DDX31: variants seen among roughly 807,000 people sequenced by gnomAD.
DDX31 encodes the protein DEAD-box helicase 31.
Under a neutral mutation model 91.3 loss-of-function variants are expected in DDX31, and 70 were observed. The observed-to-expected ratio is 0.77, with a 90% CI of 0.63 to 0.94. The LOEUF (loss-of-function observed/expected upper bound fraction) is 0.94. Ranked by LOEUF, DDX31 falls within the 40% of genes least tolerant of loss-of-function variation. The pLI is 0.00. For missense variants in DDX31, 902 were observed against 925.0 expected (o/e 0.98, Z 0.32); for synonymous variants, 362 against 350.6 (o/e 1.03, Z -0.36).
chr9:132,612,442 A>G, intron 18 of DDX31, 187 bp from the exon 19 acceptor site: 1 of 630,442 alleles, frequency 1.6e-6, no homozygotes, highest in Non-Finnish European at 2.7e-6. Context: ...CTAAACAACA[A>G]AAAGAAAAAA....
rs1830863076 is a variant in DDX31 at position 132,603,923 on chromosome 9, C to A, written c.1994+8164G>T. Reference sequence around the variant, plus strand: ...GGTGGGGAGGAGGGTGCGTTTGTTCCACGAGGAAGCAGAAAGCTGGTAATT... The same window carrying A: ...GGTGGGGAGGAGGGTGCGTTTGTTCAACGAGGAAGCAGAAAGCTGGTAATT... On this transcript the variant is annotated intron_variant, in intron 19 of 19. Transcript: ENST00000372159. Among the ~76,000 whole-genome samples the A allele has an allele frequency of 4.6e-5, 7 of 152,070 alleles. No homozygotes were observed. The South Asian group carries it at 1.5e-3, about 32-fold the overall frequency.
chr9:132,650,553 T>C (rs985808543), intron 8 of DDX31, among the ~76,000 whole-genome samples: 1 of 152,212 alleles, frequency 6.6e-6, no homozygotes, highest in East Asian at 1.9e-4. Context: ...ATCATTCAAG[T>C]AGCTTGCCTT....
At chr9:132,645,746 A>AT (rs1833788450) in intron 13 of DDX31, 149 bp downstream of exon 13, 3 of 817,404 alleles carry the variant, frequency 3.7e-6, no homozygotes. Context: ...TGGGTCACCC[A>AT]TTTTCGTCTC....
intron 19 of DDX31, among the ~76,000 whole-genome samples, chr9:132,602,453 C>A (rs904914131): frequency 4.6e-5 from 7 of 152,198 alleles, no homozygotes; most frequent in Non-Finnish European, 1.0e-4. Flanking sequence ...ATTCCTTACC[C>A]TTCCCCACAC....
chr9:132,640,837 T>G (rs1833460756), intron 14 of DDX31, among the ~76,000 whole-genome samples: 1 of 152,260 alleles, frequency 6.6e-6, no homozygotes, highest in East Asian at 1.9e-4. Flanking sequence ...GTAGATTATT[T>G]GGAATTAATC....
At chr9:132,597,677 G>A (rs943068458) in intron 19 of DDX31, among the ~76,000 whole-genome samples, 9 of 152,182 alleles carry the variant, frequency 5.9e-5, no homozygotes, top group African/African-American at 2.2e-4. Context: ...CCAGCGCTCA[G>A]GCAGTGCGCC....
At chr9:132,617,264 T>TGA (rs749562589) in intron 18 of DDX31, among the ~76,000 whole-genome samples, 23 of 152,196 alleles carry the variant, frequency 1.5e-4, no homozygotes, top group Non-Finnish European at 3.1e-4. Flanking sequence ...ACAATGAGGC[T>TGA]CACTCTGACC....
chr9:132,618,352 C>T lies in DDX31; in HGVS notation c.1803G>A (p.Arg601=), dbSNP rs765995396. 6.2e-7 allele frequency: 1 copy of T among 1,609,784 alleles called. No homozygotes were observed. The part of the protein sequence containing the change: ...VFEDYVHSSE[R]RVSWAKKALQ... Reference sequence around the variant, plus strand: ...GACCTTTCTTTGCCCAGGAGACCCTCCTCTCACTGGAGTGCACGTAATCTT... The same window carrying T: ...GACCTTTCTTTGCCCAGGAGACCCTTCTCTCACTGGAGTGCACGTAATCTT... The change falls in exon 18 of 20, where the codon AGG becomes AGA. Residue 601 remains arginine (R), a synonymous_variant. Transcript: ENST00000372159.
chr9:132,639,609 T>G (rs1833360086), intron 14 of DDX31, among the ~76,000 whole-genome samples: 1 of 152,360 alleles, frequency 6.6e-6, no homozygotes, highest in South Asian at 2.1e-4. Context: ...TTGTATGCTT[T>G]TGACCTGAGA....
chr9:132,648,664 C>A, intron 9 of DDX31, 113 bp from the exon 10 acceptor site: 1 of 1,270,894 alleles, frequency 7.9e-7, no homozygotes, highest in Non-Finnish European at 1.1e-6. Flanking sequence ...TGCAAACGTG[C>A]CATAGCCTGA....
At chr9:132,621,666 G>A (rs1031823291) in intron 17 of DDX31, among the ~76,000 whole-genome samples, 1 of 152,150 alleles carries the variant, frequency 6.6e-6, no homozygotes, top group Admixed American at 6.5e-5. Flanking sequence ...TCACATGCTA[G>A]AGAACTGCTC....
At chr9:132,663,590 C>T (rs1232314664) in intron 1 of DDX31, 1 of 901,324 alleles carries the variant, frequency 1.1e-6, no homozygotes, top group Admixed American at 6.2e-5. Context: ...AAAAGCATCC[C>T]TTGAGTAGCC....
intron 14 of DDX31, among the ~76,000 whole-genome samples, chr9:132,635,896 A>G (rs1416481720): frequency 6.6e-6 from 1 of 151,838 alleles, no homozygotes; most frequent in Non-Finnish European, 1.5e-5. Context: ...GTGAGCCAAG[A>G]TTGCGCCGTT....
chr9:132,638,327 C>T lies in DDX31; in HGVS notation c.1440+3677G>A. The T allele has an allele frequency of 1.9e-6, 3 of 1,614,004 alleles. No individual in the cohort carries two copies. In the Admixed American group the frequency reaches 5.0e-5, roughly 27 times the overall value. ...GTCAACATAATGATGGTATTAAAAGCAAGGTTCCTTTCCTCTGGCTTAGGG... is the reference window on the plus strand; with the variant it reads ...GTCAACATAATGATGGTATTAAAAGTAAGGTTCCTTTCCTCTGGCTTAGGG... On this transcript the variant is annotated intron_variant, in intron 14 of 19. Transcript: ENST00000372159.
intron 14 of DDX31, among the ~76,000 whole-genome samples, chr9:132,637,585 C>G (rs969936855): frequency 6.6e-6 from 1 of 152,210 alleles, no homozygotes; most frequent in Admixed American, 6.5e-5. Flanking sequence ...GACGCCTTCC[C>G]GGCCTGCCAA....
intron 13 of DDX31, 24 bp from the exon 14 acceptor site, chr9:132,642,087 G>C (rs1179621284): frequency 1.2e-6 from 2 of 1,611,842 alleles, no homozygotes; most frequent in African/African-American, 1.3e-5. Context: ...GAAAAATAGA[G>C]CCTTACAACT....
intron 13 of DDX31, among the ~76,000 whole-genome samples, chr9:132,643,089 G>A (rs144593567): frequency 9.2e-5 from 14 of 152,286 alleles, no homozygotes; most frequent in African/African-American, 3.4e-4. Context: ...CTCCCAAAGT[G>A]CTAGGATTAC....
chr9:132,595,180 C>G lies in DDX31; in HGVS notation c.1995-68G>C. On this transcript the variant is annotated intron_variant, in intron 19 of 19. Coordinates refer to ENST00000372159, the MANE Select transcript of DDX31 (RefSeq NM_022779.9). The surrounding 1 kb of genome is among the most constrained non-coding windows in gnomAD (Gnocchi z 4.6). ...TTTTTCTTTCCCATTTGGAAAGAGG[C>G]TGATAGCAGCTGGTTCTGAGACTGT... is the stretch of plus-strand genomic sequence containing the variant. 4 of 1,549,518 alleles carry G rather than the reference C, an allele frequency of 2.6e-6. No individual in the cohort carries two copies. The South Asian group carries it at 3.7e-5, about 14-fold the overall frequency.
chr9:132,609,144 A>G (rs1424730766), intron 19 of DDX31, among the ~76,000 whole-genome samples: 3 of 152,122 alleles, frequency 2.0e-5, no homozygotes, highest in Non-Finnish European at 4.4e-5. Context: ...GAGTGGGGAC[A>G]TGGCAAGAAC....
Sources: allele counts gnomAD v4.1 joint callset (sites outside exome capture counted in the v4.1 genomes callset), GRCh38; gene constraint gnomAD v4.1.1; non-coding constraint Gnocchi (gnomAD v3.1); transcripts MANE v1.5; gene names NCBI Gene and HGNC (gene_info 2026-07-23, HGNC 2026-07-21).